ZP1: variants seen among roughly 807,000 people sequenced by gnomAD.
The protein encoded by ZP1 is zona pellucida sperm-binding protein 1.
In ZP1, 58 loss-of-function variants were observed where a neutral mutation model predicts 67.4. The ratio of observed to expected loss-of-function variants is 0.86; its 90% confidence interval spans 0.70 to 1.07. The LOEUF (loss-of-function observed/expected upper bound fraction) is 1.07, where lower values mean the gene tolerates loss of function less well. Among genes scored for constraint, ZP1 ranks in the 50% least tolerant of loss-of-function variants. The probability of loss-of-function intolerance (pLI) is 0.00; values close to 1 mark genes in which losing one functional copy is unlikely to be tolerated. For synonymous variants in ZP1, 333 were observed against 332.7 expected, an observed-to-expected ratio of 1.00 and a Z score of -0.01; for missense variants, 759 against 807.3, an observed-to-expected ratio of 0.94 and a Z score of 0.72.
At position 60,875,119 on chromosome 11, in the gene ZP1, C is replaced by T. The variant is rs755233827; in HGVS notation, c.1655-10C>T. On this transcript the variant is annotated splice_polypyrimidine_tract_variant and intron_variant, in intron 10 of 11. Coordinates refer to ENST00000278853, the MANE Select transcript of ZP1 (RefSeq NM_207341.4). ...AGACCAGCCCAAGATTTCATTCTTC[C>T]CCTGGGCAGGACAGCGACGATCCTC... 2.5e-6 allele frequency: 4 copies of T among 1,613,674 alleles called. No individual in the cohort carries two copies. In the African/African-American group the frequency reaches 5.3e-5, roughly 22 times the overall value.
At position 60,869,200 on chromosome 11, in the gene ZP1, C is replaced by T; in HGVS notation, c.252C>T (p.Val84=). 1 of 1,614,196 alleles carries T rather than the reference C, an allele frequency of 6.2e-7. No homozygotes were observed. The highest frequency in any genetic ancestry group is 8.5e-7 in the Non-Finnish European group (1 of 1,180,034). Residue 84 remains valine, a synonymous_variant, in exon 2 of 12, where the codon GTC becomes GTT. Transcript: ENST00000278853. ...VNNCSICYHW[V]TSRPQEPAVF... ...ACTGCTCCATCTGCTACCACTGGGTCACCTCCAGGCCGCAGGAGCCTGCAG... is the reference window on the plus strand; with the variant it reads ...ACTGCTCCATCTGCTACCACTGGGTTACCTCCAGGCCGCAGGAGCCTGCAG...
Position 60,869,894 on chromosome 11 carries a change from T to A in ZP1, c.676T>A (p.Tyr226Asn), listed in dbSNP as rs1855534210. The A allele has an allele frequency of 1.3e-6, 2 of 1,550,288 alleles. No individual in the cohort carries two copies. The highest frequency in any genetic ancestry group is 3.7e-5 in the Admixed American group (2 of 53,424). Residue 226 changes from tyrosine (Y) to asparagine (N), a missense_variant, in exon 3 of 12, where the codon TAC becomes AAC. By Grantham distance (143) the Tyr-to-Asn change is moderately radical. Transcript: ENST00000278853. ...ACACTGGGATGTGAACAAACGAGAT[T>A]ACATAGGTACGCAGGACATCTGAGT... is the stretch of plus-strand genomic sequence containing the variant. Reference protein sequence around the residue: ...LEHWDVNKRDYIGTHLSQEQC... With the variant: ...LEHWDVNKRDNIGTHLSQEQC...
Position 60,870,980 on chromosome 11 carries a change from G to A in ZP1, c.850G>A (p.Gly284Ser). Residue 284 changes from glycine to serine, a missense_variant, in exon 5 of 12, where the codon GGC becomes AGC. Gly to Ser is a moderately conservative substitution (Grantham distance 56). Coordinates refer to ENST00000278853, the MANE Select transcript of ZP1 (RefSeq NM_207341.4). Reference sequence around the variant, plus strand: ...AGCTACTGTCCAGTGCTTCAGAGATGGCTACTTCGTCCTCGTGGTGTCCCA... The same window carrying A: ...AGCTACTGTCCAGTGCTTCAGAGATAGCTACTTCGTCCTCGTGGTGTCCCA... ...NTATVQCFRD[G>S]YFVLVVSQEM... 1 of 1,614,100 alleles carries A rather than the reference G, an allele frequency of 6.2e-7. No homozygotes were observed. Among genetic ancestry groups the A allele is most frequent in the Non-Finnish European group, 8.5e-7 (1 of 1,179,974 alleles).
At chr11:60,867,909 AAGG>A (rs1855500607) in intron 1 of ZP1, 152 bp downstream of exon 1, 5 of 877,394 alleles carry the variant, frequency 5.7e-6, no homozygotes, top group African/African-American at 5.1e-5. Flanking sequence ...AGAAAAGGGC[AAGG>A]AGGAGAATCA....
chr11:60,870,582 G>A (rs1005727179), intron 4 of ZP1, 107 bp downstream of exon 4: 12 of 1,444,458 alleles, frequency 8.3e-6, no homozygotes, highest in Non-Finnish European at 9.3e-6. Flanking sequence ...CTCCTGGAGA[G>A]CCCAACTCCC....
rs144315375 is a variant in ZP1, at chr11:60,870,378, C to T, written c.729C>T (p.Leu243=). ...QEQCQVASGH[L]PCIVRRTSKE... is the part of the protein sequence containing the mutation. ...AGTGCCAGGTGGCCTCAGGGCACCT[C>T]CCCTGCATCGTGAGAAGAACTTCAA... The change falls in exon 4 of 12, where the codon CTC becomes CTT. Residue 243 remains leucine, a synonymous_variant. Transcript: ENST00000278853. 2 of 1,613,190 alleles carry T rather than the reference C, an allele frequency of 1.2e-6. No homozygotes were observed. Among genetic ancestry groups the T allele is most frequent in the Admixed American group, 3.3e-5 (2 of 59,936 alleles).
intron 6 of ZP1, among the ~76,000 whole-genome samples, chr11:60,872,118 T>G (rs1333912199): frequency 6.6e-6 from 1 of 152,210 alleles, no homozygotes; most frequent in Non-Finnish European, 1.5e-5. Context: ...ACGCCTATGA[T>G]ACCAGCGCTT....
Position 60,870,228 on chromosome 11 carries a change from C to G in ZP1, c.683-104C>G, listed in dbSNP as rs1855540126. ...GTTTTGAGGGAGGACATTTACTGTG[C>G]TGGCTAAGAGCACAAGCTCTGGAGC... On this transcript the variant is annotated intron_variant, in intron 3 of 11. Coordinates refer to ENST00000278853, the MANE Select transcript of ZP1 (RefSeq NM_207341.4). 5 of 1,190,146 alleles carry G rather than the reference C, an allele frequency of 4.2e-6. No homozygotes were observed. The South Asian group carries it at 6.1e-5, about 15-fold the overall frequency. 73.7% of individuals were successfully genotyped at this position (1,190,146 alleles called of 1,614,324 possible). A position where few individuals can be genotyped will look rare whatever the true frequency, so the allele number is the denominator to read the frequency against.
rs760936498 is a variant in ZP1, at chr11:60,875,553, C to A, written c.1814C>A (p.Ala605Glu). ...TCCAGCCTGAGACCTCTCCTTTGGG[C>A]GGTCCTTTTGCTGCCAGCTGTTGCC... ...GNSSLRPLLW[A>E]VLLLPAVALV... is the part of the protein sequence containing the mutation. Residue 605 changes from alanine to glutamate, a missense_variant, in exon 12 of 12, where the codon GCG (alanine) becomes GAG (glutamate). By Grantham distance (107) the Ala-to-Glu change is moderately radical. Coordinates refer to ENST00000278853, the MANE Select transcript of ZP1 (RefSeq NM_207341.4). 1.9e-6 allele frequency: 3 copies of A among 1,614,096 alleles called. No homozygotes were observed. The highest frequency in any genetic ancestry group is 2.2e-5 in the South Asian group (2 of 91,078).
At chr11:60,868,416 A>T (rs1357532213) in intron 1 of ZP1, among the ~76,000 whole-genome samples, 1 of 152,232 alleles carries the variant, frequency 6.6e-6, no homozygotes, top group Non-Finnish European at 1.5e-5. Flanking sequence ...TTCCAGCAGC[A>T]GGACCTAGTA....
At chr11:60,868,275 G>A (rs903620034) in intron 1 of ZP1, among the ~76,000 whole-genome samples, 1 of 152,134 alleles carries the variant, frequency 6.6e-6, no homozygotes, top group Non-Finnish European at 1.5e-5. Context: ...TCGAACTCCT[G>A]ACCTCAGGTG....
At chr11:60,869,083 A>G in intron 1 of ZP1, 62 bp from the exon 2 acceptor site, 4 of 1,598,944 alleles carry the variant, frequency 2.5e-6, no homozygotes. Flanking sequence ...TCCTTCCGAG[A>G]CCCCAGCAAC....
chr11:60,870,491 C>T lies in ZP1; in HGVS notation c.826+16C>T. 1 of 1,589,320 alleles carries T rather than the reference C, an allele frequency of 6.3e-7. No individual in the cohort carries two copies. The highest frequency in any genetic ancestry group is 8.6e-7 in the Non-Finnish European group (1 of 1,166,632). ...GGCAACACAGGTACAACCTCCCACC[C>T]CAGCAAGATCCTGGTCCCTTGGATT... On this transcript the variant is annotated intron_variant, in intron 4 of 11. Transcript: ENST00000278853.
In ZP1 at chr11:60,875,078, G is replaced by A. The variant is rs1306740335; in HGVS notation, c.1655-51G>A. 6.2e-6 allele frequency: 10 copies of A among 1,613,490 alleles called. 1 individual carries two copies. In the South Asian group the frequency reaches 8.8e-5, roughly 14 times the overall value. On this transcript the variant is annotated intron_variant, in intron 10 of 11. Transcript: ENST00000278853. ...ATCTTCAGGCCTGTGCCTGGCCTCT[G>A]GGCCACAGGGGCAGGAGACCAGCCC...
intron 3 of ZP1, 127 bp downstream of exon 3, chr11:60,870,027 T>G: frequency 8.5e-7 from 1 of 1,181,436 alleles, no homozygotes; most frequent in Non-Finnish European, 1.1e-6. Flanking sequence ...TAGAAAAAGA[T>G]GATTCTTTTA....
Position 60,873,696 on chromosome 11 carries a change from T to C in ZP1, c.1493T>C (p.Phe498Ser), listed in dbSNP as rs753698223. The C allele has an allele frequency of 1.5e-5, 25 of 1,614,030 alleles. No homozygotes were observed. The highest frequency in any genetic ancestry group is 2.2e-5 in the South Asian group (2 of 91,088). The change falls in exon 9 of 12, where the codon TTC (phenylalanine) becomes TCC (serine). Residue 498 changes from phenylalanine to serine, a missense_variant. Phe to Ser is a radical substitution (Grantham distance 155). Coordinates refer to ENST00000278853, the MANE Select transcript of ZP1 (RefSeq NM_207341.4). ...QMVALDGATP[F>S]QSHYQRFTVA... ...GTAGCCTTGGACGGGGCCACACCTTTCCAGTCGCACTACCAGCGATTCACT... is the reference window on the plus strand; with the variant it reads ...GTAGCCTTGGACGGGGCCACACCTTCCCAGTCGCACTACCAGCGATTCACT...
Position 60,871,271 on chromosome 11 carries a change from C to A in ZP1, c.1069C>A (p.Gln357Lys). The change falls in exon 6 of 12, where the codon CAA becomes AAA. Residue 357 changes from glutamine to lysine, a missense_variant. By Grantham distance (53) the Gln-to-Lys change is moderately conservative (BLOSUM62 1). Coordinates refer to ENST00000278853, the MANE Select transcript of ZP1 (RefSeq NM_207341.4). The part of the protein sequence containing the change: ...ENWLVSGIHI[Q>K]KGPQGSITRD... ...CTGGCTGGTGTCTGGCATCCACATC[C>A]AAAAGGGGCCACAGGGTTCCATCAC... is the stretch of plus-strand genomic sequence containing the variant. 6.2e-7 allele frequency: 1 copy of A among 1,613,990 alleles called. No homozygotes were observed. The highest frequency in any genetic ancestry group is 1.1e-5 in the South Asian group (1 of 91,082).
chr11:60,872,361 G>A (rs933025313), intron 6 of ZP1, among the ~76,000 whole-genome samples: 33 of 152,096 alleles, frequency 2.2e-4, no homozygotes, highest in African/African-American at 7.5e-4. Context: ...AAGTCAGGGG[G>A]AAACAGCTGT....
chr11:60,873,639 CTT>C lies in ZP1; in HGVS notation c.1438_1439del (p.Phe480GlnfsTer67). On this transcript the variant is annotated frameshift_variant, in exon 9 of 12. Coordinates refer to ENST00000278853, the MANE Select transcript of ZP1 (RefSeq NM_207341.4). LOFTEE classifies it high-confidence loss of function. ...TCTCTGACTTCTCTTCTCAGATGCC[CTT>C]TCAAGGGCGACAGCTACAGAACCCA... The C allele has an allele frequency of 6.2e-7, 1 of 1,614,178 alleles. No homozygotes were observed.
Sources: allele counts gnomAD v4.1 joint callset (sites outside exome capture counted in the v4.1 genomes callset), GRCh38; gene constraint gnomAD v4.1.1; transcripts MANE v1.5; gene names NCBI Gene and HGNC (gene_info 2026-07-23, HGNC 2026-07-21).